KHDRBS3: variants seen among roughly 807,000 people sequenced by gnomAD.
KHDRBS3 encodes the protein KH RNA binding domain containing, signal transduction associated 3.
A neutral mutation model predicts 45.6 loss-of-function variants in KHDRBS3; 23 were observed. That is an observed-to-expected ratio of 0.50 (90% confidence interval 0.36 to 0.72). The LOEUF (loss-of-function observed/expected upper bound fraction) is 0.72, where lower values mean the gene tolerates loss of function less well. KHDRBS3 is among the 30% of genes least tolerant of loss of function. The probability of loss-of-function intolerance (pLI) is 0.00; values close to 1 mark genes in which losing one functional copy is unlikely to be tolerated. For missense variants in KHDRBS3, 352 were observed against 424.8 expected (o/e 0.83, Z 1.51); for synonymous variants, 162 against 156.5 (o/e 1.04, Z -0.26).
At chr8:135,642,798 T>TC (rs1249900532) in intron 7 of KHDRBS3, among the ~76,000 whole-genome samples, 2 of 151,342 alleles carry the variant, frequency 1.3e-5, no homozygotes, top group African/African-American at 4.8e-5. Flanking sequence ...CATTTGTCTT[T>TC]TTTTTTTTTT....
chr8:135,474,000 C>T (rs924039400), intron 1 of KHDRBS3, among the ~76,000 whole-genome samples: 3 of 152,198 alleles, frequency 2.0e-5, no homozygotes, highest in African/African-American at 7.2e-5. Flanking sequence ...CCTCTAGAGA[C>T]TTGAGTCTGT....
intron 2 of KHDRBS3, among the ~76,000 whole-genome samples, chr8:135,536,478 C>T (rs991264999): frequency 5.3e-5 from 8 of 151,910 alleles, no homozygotes; most frequent in African/African-American, 1.9e-4. Flanking sequence ...CACTCAGGTT[C>T]GCAGGACAGT....
In KHDRBS3 at chr8:135,647,361, T is replaced by C. The variant is rs1311621917; in HGVS notation, c.*277T>C. 1 of 241,168 alleles carries C rather than the reference T, an allele frequency of 4.1e-6. No individual in the cohort carries two copies. The highest frequency in any genetic ancestry group is 5.5e-5 in the Admixed American group (1 of 18,186). The allele number at this position is 241,168 out of a possible 1,614,324, so 14.9% of individuals were successfully genotyped here. On this transcript the variant is annotated 3_prime_UTR_variant, in exon 9 of 9. Coordinates refer to ENST00000355849, the MANE Select transcript of KHDRBS3 (RefSeq NM_006558.3). Reference sequence around the variant, plus strand: ...TAACTAGTGTTAAACAAAAAATAGGTTTACTAAATATGTTAATCTATTCTT... The same window carrying C: ...TAACTAGTGTTAAACAAAAAATAGGCTTACTAAATATGTTAATCTATTCTT...
chr8:135,572,703 C>T (rs942392979), intron 5 of KHDRBS3, among the ~76,000 whole-genome samples: 7 of 152,212 alleles, frequency 4.6e-5, no homozygotes, highest in African/African-American at 1.4e-4. Context: ...GCATGAGATG[C>T]GCTGCCCTAG....
downstream of KHDRBS3, among the ~76,000 whole-genome samples, chr8:135,648,355 G>A (rs1413673789): frequency 6.6e-6 from 1 of 152,108 alleles, no homozygotes; most frequent in Non-Finnish European, 1.5e-5. Context: ...CTCATAACTA[G>A]TTATTTGTAA....
chr8:135,545,620 C>T (rs1826260788), intron 3 of KHDRBS3, among the ~76,000 whole-genome samples: 1 of 152,180 alleles, frequency 6.6e-6, no homozygotes, highest in East Asian at 1.9e-4. Flanking sequence ...TAGCTTACTT[C>T]TGGCTCTTTG....
chr8:135,493,199 T>C (rs976222919), intron 1 of KHDRBS3, among the ~76,000 whole-genome samples: 2 of 152,056 alleles, frequency 1.3e-5, no homozygotes, highest in African/African-American at 4.8e-5. Flanking sequence ...TGCCTCAGCC[T>C]CCTGAGTAGC....
At position 135,507,071 on chromosome 8, in the gene KHDRBS3, T is replaced by G. The variant is rs543248539; in HGVS notation, c.89-14166T>G. Among the ~76,000 whole-genome samples the G allele has an allele frequency of 2.0e-5, 3 of 152,312 alleles. No individual in the cohort carries two copies. In the South Asian group the frequency reaches 6.2e-4, roughly 32 times the overall value. ...CCCAAATAAATAGACTGCAGATATA[T>G]TCTATATTTGTTTATGTATCATGGA... On this transcript the variant is annotated intron_variant, in intron 1 of 8. Coordinates refer to ENST00000355849, the MANE Select transcript of KHDRBS3 (RefSeq NM_006558.3).
intron 7 of KHDRBS3, among the ~76,000 whole-genome samples, chr8:135,628,937 G>C (rs1830483093): frequency 6.6e-6 from 1 of 152,186 alleles, no homozygotes; most frequent in African/African-American, 2.4e-5. Context: ...TTCATCCCTA[G>C]AAGTCTTTGA....
intron 7 of KHDRBS3, among the ~76,000 whole-genome samples, chr8:135,638,389 A>G (rs940874273): frequency 6.6e-6 from 1 of 152,184 alleles, no homozygotes; most frequent in African/African-American, 2.4e-5. Flanking sequence ...GTCCTTCTCC[A>G]TAGCCACCAG....
intron 1 of KHDRBS3, among the ~76,000 whole-genome samples, chr8:135,501,508 A>G (rs191641123): frequency 2.0e-5 from 3 of 152,364 alleles, no homozygotes; most frequent in African/African-American, 4.8e-5. Context: ...AATGCTTAAG[A>G]TATCTGAATA....
intron 6 of KHDRBS3, among the ~76,000 whole-genome samples, chr8:135,592,530 TTTG>T (rs757353749): frequency 3.9e-5 from 6 of 152,178 alleles, no homozygotes. Context: ...ACCTGCCATG[TTTG>T]TTTTACAGTT....
chr8:135,536,262 T>TTTTTTTTTTTTTTA (rs1491256544), intron 2 of KHDRBS3, among the ~76,000 whole-genome samples: 2 of 98,762 alleles, frequency 2.0e-5, no homozygotes, highest in African/African-American at 3.4e-5. Flanking sequence ...TTTTTTTTTT[T>TTTTTTTTTTTTTTA]ATTATTGTTT....
At chr8:135,606,021 T>C (rs569934787) in intron 6 of KHDRBS3, among the ~76,000 whole-genome samples, 17 of 152,318 alleles carry the variant, frequency 1.1e-4, no homozygotes, top group African/African-American at 4.1e-4. Flanking sequence ...AAACTAATCT[T>C]ATAAAGTCTC....
At chr8:135,556,204 A>G (rs996804849) in intron 4 of KHDRBS3, among the ~76,000 whole-genome samples, 6 of 152,192 alleles carry the variant, frequency 3.9e-5, no homozygotes, top group Admixed American at 3.9e-4. Context: ...ATACATGTGC[A>G]TGTGTCTTTA....
chr8:135,603,160 A>T (rs569267784), intron 6 of KHDRBS3, among the ~76,000 whole-genome samples: 1 of 152,244 alleles, frequency 6.6e-6, no homozygotes, highest in South Asian at 2.1e-4. Flanking sequence ...ATGGCAATTG[A>T]CTTGTAGAAT....
In KHDRBS3 at chr8:135,521,234, C is replaced by A; in HGVS notation, c.89-3C>A. ...CTTCATGGTTATCTTTTTGCCTCCA[C>A]AGAAATAGAAAAGTTTCAAAAAGGA... On this transcript the variant is annotated splice_polypyrimidine_tract_variant and splice_region_variant and intron_variant, in intron 1 of 8. Coordinates refer to ENST00000355849, the MANE Select transcript of KHDRBS3 (RefSeq NM_006558.3). 1.9e-6 allele frequency: 3 copies of A among 1,587,808 alleles called. No homozygotes were observed. Among genetic ancestry groups the A allele is most frequent in the Non-Finnish European group, 2.6e-6 (3 of 1,156,592 alleles).
chr8:135,621,218 CT>C, intron 7 of KHDRBS3, among the ~76,000 whole-genome samples: 1 of 152,000 alleles, frequency 6.6e-6, no homozygotes, highest in East Asian at 1.9e-4. Context: ...ACTATAAATT[CT>C]TTAAACTCTA....
At chr8:135,625,213 C>T in intron 7 of KHDRBS3, 1 of 1,406,496 alleles carries the variant, frequency 7.1e-7, no homozygotes, top group Non-Finnish European at 1.0e-6. Flanking sequence ...CTCCTGTGGG[C>T]CTCCTTCATC....
Sources: allele counts gnomAD v4.1 joint callset (sites outside exome capture counted in the v4.1 genomes callset), GRCh38; gene constraint gnomAD v4.1.1; transcripts MANE v1.5; gene names NCBI Gene and HGNC (gene_info 2026-07-23, HGNC 2026-07-21).